PPM1E: variants seen among roughly 807,000 people sequenced by gnomAD.
The protein encoded by PPM1E is protein phosphatase, Mg2+/Mn2+ dependent 1E.
Under a neutral mutation model 65.9 loss-of-function variants are expected in PPM1E, and 20 were observed. That is an observed-to-expected ratio of 0.30 (90% CI 0.21 to 0.44). PPM1E has a LOEUF of 0.44. Ranked by LOEUF, PPM1E falls within the 20% of genes least tolerant of loss-of-function variation. PPM1E has a pLI of 1.00. For missense variants in PPM1E, 713 were observed against 953.1 expected (o/e 0.75, Z 3.32); for synonymous variants, 352 against 374.9 (o/e 0.94, Z 0.70).
chr17:58,956,294 G>A (rs566803969), intron 2 of PPM1E, among the ~76,000 whole-genome samples: 162 of 152,038 alleles, frequency 1.1e-3, no homozygotes, highest in African/African-American at 3.7e-3. Flanking sequence ...AAAATTAGCC[G>A]GTGTAGTGGT....
At chr17:58,861,116 T>C (rs555982543) in intron 1 of PPM1E, among the ~76,000 whole-genome samples, 99 of 152,304 alleles carry the variant, frequency 6.5e-4, no homozygotes, top group Non-Finnish European at 1.4e-3. Flanking sequence ...GGTCTTCTAT[T>C]CAGTCTTGTC....
At position 58,959,374 on chromosome 17, in the gene PPM1E, C is replaced by T. The variant is rs535532863; in HGVS notation, c.583+3607C>T. 1.4e-4 allele frequency among the ~76,000 whole-genome samples: 21 copies of T among 147,742 alleles called. No individual in the cohort carries two copies. The South Asian group carries it at 3.0e-3, about 21-fold the overall frequency. On this transcript the variant is annotated intron_variant, in intron 2 of 6. Transcript: ENST00000308249. Reference sequence around the variant, plus strand: ...CAGCACTTTGGGAGGCTGAGGCGGGCGGATACCGAGGTCAGGAGATCGAGA... The same window carrying T: ...CAGCACTTTGGGAGGCTGAGGCGGGTGGATACCGAGGTCAGGAGATCGAGA...
intron 1 of PPM1E, among the ~76,000 whole-genome samples, chr17:58,815,470 T>C (rs908559049): frequency 1.3e-5 from 2 of 152,244 alleles, no homozygotes; most frequent in Non-Finnish European, 2.9e-5. Flanking sequence ...TCTTGAAATA[T>C]AGCTAATAAT....
Position 58,980,016 on chromosome 17 carries a change from C to T in PPM1E, c.1253C>T (p.Ser418Phe). 2 of 1,614,086 alleles carry T rather than the reference C, an allele frequency of 1.2e-6. No homozygotes were observed. Among genetic ancestry groups the T allele is most frequent in the Non-Finnish European group, 1.7e-6 (2 of 1,180,000 alleles). The stretch of plus-strand genomic sequence containing the variant: ...CCATATATCTGTGGGGATGCAGATT[C>T]TGCCTCCACTGTTCTGGATGGGACC... ...HKPYICGDAD[S>F]ASTVLDGTED... is the part of the protein sequence containing the mutation. Residue 418 changes from serine to phenylalanine, a missense_variant, in exon 7 of 7, where the codon TCT becomes TTT. By Grantham distance (155) the Ser-to-Phe change is radical. This residue lies in a region of PPM1E where 88 missense variants were observed against 231.1 expected (regional missense o/e 0.38). Coordinates refer to ENST00000308249, the MANE Select transcript of PPM1E (RefSeq NM_014906.5). The surrounding 1 kb of genome is among the most constrained non-coding windows in gnomAD (Gnocchi z 4.7).
chr17:58,766,277 C>G (rs552559548), intron 1 of PPM1E, among the ~76,000 whole-genome samples: 29 of 145,364 alleles, frequency 2.0e-4, no homozygotes, highest in African/African-American at 7.5e-4. Flanking sequence ...TCTCGGCTCA[C>G]TGCAACCTCC....
intron 1 of PPM1E, among the ~76,000 whole-genome samples, chr17:58,943,323 A>C (rs1347370291): frequency 6.6e-6 from 1 of 152,184 alleles, no homozygotes; most frequent in East Asian, 1.9e-4. Context: ...AACAAAAAAA[A>C]CACACAAATA....
chr17:58,832,478 T>C (rs2050615147), intron 1 of PPM1E, among the ~76,000 whole-genome samples: 1 of 152,172 alleles, frequency 6.6e-6, no homozygotes, highest in African/African-American at 2.4e-5. Context: ...TACTTCTATA[T>C]ATAGAGAGAG....
chr17:58,947,233 C>CTTTTTTTTTTTT (rs71145507), intron 1 of PPM1E, among the ~76,000 whole-genome samples: 1 of 45,066 alleles, frequency 2.2e-5, no homozygotes, highest in Non-Finnish European at 4.0e-5. Context: ...CACTCCTGGC[C>CTTTTTTTTTTTT]TTTTTTTTTT....
Position 58,801,766 on chromosome 17 carries a change from A to AT in PPM1E, c.464+45313dup, listed in dbSNP as rs564976133. 6.3e-3 allele frequency among the ~76,000 whole-genome samples: 858 copies of AT among 135,988 alleles called. 5 individuals carry two copies. Among genetic ancestry groups the AT allele is most frequent in the African/African-American group, 0.01 (377 of 36,330 alleles). 89.2% of individuals were successfully genotyped at this position (135,988 alleles called of 152,430 possible). A position where few individuals can be genotyped will look rare whatever the true frequency, so the allele number is the denominator to read the frequency against. On this transcript the variant is annotated intron_variant, in intron 1 of 6. Coordinates refer to ENST00000308249, the MANE Select transcript of PPM1E (RefSeq NM_014906.5). ...CCCCTTCAGTTTTTTTTTAATTTTT[A>AT]TTTTTTTTGAGACAGAGTCTTGCTC...
At chr17:58,842,533 A>C (rs1271075175) in intron 1 of PPM1E, among the ~76,000 whole-genome samples, 1 of 152,090 alleles carries the variant, frequency 6.6e-6, no homozygotes, top group Non-Finnish European at 1.5e-5. Context: ...GGCTGGGCGC[A>C]GTGGCTCATG....
chr17:58,865,753 C>G (rs1353386053), intron 1 of PPM1E, among the ~76,000 whole-genome samples: 1 of 152,206 alleles, frequency 6.6e-6, no homozygotes, highest in Non-Finnish European at 1.5e-5. Context: ...AATAGTTTAT[C>G]TCCCCTTTTT....
chr17:58,923,617 T>C (rs1226850281), intron 1 of PPM1E, among the ~76,000 whole-genome samples: 1 of 151,500 alleles, frequency 6.6e-6, no homozygotes, highest in African/African-American at 2.4e-5. Context: ...TGGTGGCATG[T>C]GCCTCCCGAG....
intron 1 of PPM1E, among the ~76,000 whole-genome samples, chr17:58,775,921 A>C (rs1457114184): frequency 5.5e-5 from 1 of 18,242 alleles, no homozygotes; most frequent in African/African-American, 1.2e-4. Context: ...ACTCCGTCTC[A>C]AAAAAAAAAA....
chr17:58,961,010 G>A (rs1313561476), intron 2 of PPM1E, among the ~76,000 whole-genome samples: 11 of 151,966 alleles, frequency 7.2e-5, no homozygotes, highest in Non-Finnish European at 1.6e-4. Flanking sequence ...ATAGCAACAG[G>A]TTTTTCTGCC....
intron 1 of PPM1E, among the ~76,000 whole-genome samples, chr17:58,790,233 T>A (rs1373440608): frequency 1.3e-5 from 2 of 149,582 alleles, no homozygotes; most frequent in African/African-American, 4.9e-5. Flanking sequence ...TAATTAAAAT[T>A]TTTTTTTTTT....
At chr17:58,774,380 G>T (rs1352578679) in intron 1 of PPM1E, among the ~76,000 whole-genome samples, 1 of 152,008 alleles carries the variant, frequency 6.6e-6, no homozygotes, top group Non-Finnish European at 1.5e-5. Flanking sequence ...CTTTATCACA[G>T]GACCAGTGTT....
At chr17:58,904,768 G>A (rs4430808) in intron 1 of PPM1E, among the ~76,000 whole-genome samples, 3,468 of 151,364 alleles carry the variant, frequency 0.023, 123 homozygotes, top group African/African-American at 0.08. Flanking sequence ...GGGTGCTAAT[G>A]TAAATGGTGT....
At chr17:58,946,904 G>T (rs1290407096) in intron 1 of PPM1E, among the ~76,000 whole-genome samples, 1 of 151,686 alleles carries the variant, frequency 6.6e-6, no homozygotes. Flanking sequence ...CCTAATCCAA[G>T]GTCATGAAGA....
At position 58,963,403 on chromosome 17, in the gene PPM1E, AC is replaced by A. The variant is rs200019306; in HGVS notation, c.584-2290del. On this transcript the variant is annotated intron_variant, in intron 2 of 6. Transcript: ENST00000308249. ...ACTCTGTCTCAAAAAAAAAAAAAAA[AC>A]TTGGCCGGGCACAGTGGCTCACGCC... Among the ~76,000 whole-genome samples, 1,336 of 140,760 alleles carry A rather than the reference AC, an allele frequency of 9.5e-3. 21 individuals carry two copies. The highest frequency in any genetic ancestry group is 0.029 in the African/African-American group (1,091 of 37,854). 92.3% of individuals were successfully genotyped at this position (140,760 alleles called of 152,430 possible).
Sources: allele counts gnomAD v4.1 joint callset (sites outside exome capture counted in the v4.1 genomes callset), GRCh38; gene constraint gnomAD v4.1.1; regional missense constraint gnomAD v4.1.1; non-coding constraint Gnocchi (gnomAD v3.1); transcripts MANE v1.5; gene names NCBI Gene and HGNC (gene_info 2026-07-23, HGNC 2026-07-21).